Variants in CDK13 observed in about 807,000 individuals in gnomAD.
The protein encoded by CDK13 is cyclin-dependent kinase 13.
Under a neutral mutation model 137.6 loss-of-function variants are expected in CDK13, and 40 were observed. That is an observed-to-expected ratio of 0.29 (90% confidence interval 0.23 to 0.38). CDK13 has a LOEUF of 0.38. Among genes scored for constraint, CDK13 ranks in the 10% least tolerant of loss-of-function variants. CDK13 has a pLI of 1.00. For synonymous variants in CDK13, 869 were observed against 760.1 expected (o/e 1.14, Z -2.36); for missense variants, 1,704 against 1,951.8 (o/e 0.87, Z 2.39).
chr7:40,034,036 C>T (rs1785433292), intron 5 of CDK13, among the ~76,000 whole-genome samples: 1 of 152,142 alleles, frequency 6.6e-6, no homozygotes, highest in Non-Finnish European at 1.5e-5. Context: ...GGACAGAATG[C>T]TCTGGGCATA....
At chr7:40,044,952 A>G (rs1031253306) in intron 5 of CDK13, among the ~76,000 whole-genome samples, 1 of 152,122 alleles carries the variant, frequency 6.6e-6, no homozygotes, top group Non-Finnish European at 1.5e-5. Flanking sequence ...AATCTCATAC[A>G]TAATATCTAG....
At chr7:40,087,586 T>G (rs1029931790) in intron 11 of CDK13, among the ~76,000 whole-genome samples, 2 of 142,162 alleles carry the variant, frequency 1.4e-5, no homozygotes, top group African/African-American at 5.5e-5. Context: ...TCTCGCTGTG[T>G]CACCCAGGCT....
intron 1 of CDK13, among the ~76,000 whole-genome samples, chr7:39,974,913 CA>C: frequency 6.6e-6 from 1 of 152,274 alleles, no homozygotes; most frequent in African/African-American, 2.4e-5. Flanking sequence ...GCTAGAACCT[CA>C]AATACAATGT....
At chr7:40,033,670 T>G (rs1412994511) in intron 5 of CDK13, among the ~76,000 whole-genome samples, 1 of 152,174 alleles carries the variant, frequency 6.6e-6, no homozygotes, top group African/African-American at 2.4e-5. Flanking sequence ...TTAAATAAGG[T>G]CTGAGGTGTG....
intron 1 of CDK13, among the ~76,000 whole-genome samples, chr7:39,971,363 A>G (rs1783994707): frequency 6.6e-6 from 1 of 152,004 alleles, no homozygotes; most frequent in African/African-American, 2.4e-5. Context: ...CTAAGGGTAC[A>G]AAAACTAGCT....
rs773380080 is a variant in CDK13, at chr7:40,088,288, A to G, written c.3192A>G (p.Pro1064=). Reference sequence around the variant, plus strand: ...CCAACACACCCCAGGGTGTGCTGCCATCTTCACAGCTGAAATCTCAGGGCA... The same window carrying G: ...CCAACACACCCCAGGGTGTGCTGCCGTCTTCACAGCTGAAATCTCAGGGCA... The part of the protein sequence containing the change: ...SRTNTPQGVL[P]SSQLKSQGSS... Residue 1064 remains proline (P), a synonymous_variant, in exon 12 of 14, where the codon CCA becomes CCG. Coordinates refer to ENST00000181839, the MANE Select transcript of CDK13 (RefSeq NM_003718.5). The G allele has an allele frequency of 1.2e-6, 2 of 1,613,780 alleles. No homozygotes were observed. Among genetic ancestry groups the G allele is most frequent in the South Asian group, 1.1e-5 (1 of 91,078 alleles).
intron 11 of CDK13, 138 bp from the exon 12 acceptor site, chr7:40,087,988 G>A (rs1786828898): frequency 1.6e-6 from 1 of 637,170 alleles, no homozygotes; most frequent in East Asian, 2.8e-5. Context: ...GATTTTTATT[G>A]GAAGAGTTTT....
chr7:39,951,942 GAC>G, intron 1 of CDK13, 90 bp downstream of exon 1: 1 of 1,257,150 alleles, frequency 8.0e-7, no homozygotes, highest in Non-Finnish European at 1.0e-6. Flanking sequence ...TCCTCAGAAC[GAC>G]TCAGGTCCAC....
Position 40,095,034 on chromosome 7 carries a change from G to C in CDK13, c.*54G>C. 1 of 1,318,434 alleles carries C rather than the reference G, an allele frequency of 7.6e-7. No homozygotes were observed. Among genetic ancestry groups the C allele is most frequent in the Non-Finnish European group, 9.8e-7 (1 of 1,019,076 alleles). The allele number at this position is 1,318,434 out of a possible 1,614,324, so 81.7% of individuals were successfully genotyped here. ...TTTATCTGGAAAGACTTTTCTAGCT[G>C]CAATTTAAGGCAGCAATCCAAGAGA... On this transcript the variant is annotated 3_prime_UTR_variant, in exon 14 of 14. Transcript: ENST00000181839.
At chr7:39,963,920 G>T (rs1228195296) in intron 1 of CDK13, among the ~76,000 whole-genome samples, 1 of 152,110 alleles carries the variant, frequency 6.6e-6, no homozygotes, top group Non-Finnish European at 1.5e-5. Flanking sequence ...GCTGGATTAC[G>T]TTTATTGATT....
In CDK13 at chr7:40,098,634, A is replaced by T. The variant is rs1208966350; in HGVS notation, c.*3654A>T. On this transcript the variant is annotated 3_prime_UTR_variant, in exon 14 of 14. Transcript: ENST00000181839. The stretch of plus-strand genomic sequence containing the variant: ...TCGGTCTTCTTACTTTACAACTAAG[A>T]AAAATAAGGCTTAGAAAGAGGGATT... 2 of 151,928 alleles carry T rather than the reference A, an allele frequency of 1.3e-5. No individual in the cohort carries two copies. Among genetic ancestry groups the T allele is most frequent in the Non-Finnish European group, 2.9e-5 (2 of 67,944 alleles). 9.4% of individuals were successfully genotyped at this position (151,928 alleles called of 1,614,324 possible). A position where few individuals can be genotyped will look rare whatever the true frequency, so the allele number is the denominator to read the frequency against.
intron 1 of CDK13, among the ~76,000 whole-genome samples, chr7:39,964,582 C>T (rs941649493): frequency 4.9e-5 from 7 of 144,288 alleles, no homozygotes; most frequent in African/African-American, 1.7e-4. Flanking sequence ...CTCCTGGATT[C>T]ATTGATTTTT....
At chr7:40,025,504 A>C (rs1017463124) in intron 5 of CDK13, among the ~76,000 whole-genome samples, 3 of 152,124 alleles carry the variant, frequency 2.0e-5, no homozygotes, top group African/African-American at 7.2e-5. Context: ...TCTACTTTCA[A>C]CCTTTGCCAA....
intron 11 of CDK13, among the ~76,000 whole-genome samples, chr7:40,081,252 A>G (rs972816766): frequency 6.6e-6 from 1 of 152,174 alleles, no homozygotes; most frequent in Non-Finnish European, 1.5e-5. Context: ...ATTATGTTCA[A>G]GAGAACATAA....
At chr7:40,004,736 T>C (rs529534852) in intron 5 of CDK13, among the ~76,000 whole-genome samples, 52 of 152,266 alleles carry the variant, frequency 3.4e-4, no homozygotes, top group African/African-American at 1.2e-3. Flanking sequence ...TTAGAACATA[T>C]AAACATTAAA....
At chr7:39,951,973 C>A in intron 1 of CDK13, 121 bp downstream of exon 1, 1 of 1,066,942 alleles carries the variant, frequency 9.4e-7, no homozygotes, top group Non-Finnish European at 1.2e-6. Flanking sequence ...CGAGACAACA[C>A]CGCCTGAGCC....
chr7:40,064,216 G>A (rs145342171), intron 9 of CDK13, among the ~76,000 whole-genome samples: 5,907 of 148,396 alleles, frequency 0.04, 341 homozygotes, highest in African/African-American at 0.13. Context: ...CCCAGGAGGC[G>A]AAGGTTGCTG....
chr7:40,012,299 C>T (rs1784912441), intron 5 of CDK13, among the ~76,000 whole-genome samples: 1 of 152,148 alleles, frequency 6.6e-6, no homozygotes, highest in Non-Finnish European at 1.5e-5. Context: ...ACTACTGGAT[C>T]TCCAAAAGAA....
chr7:40,036,999 T>C (rs974597559), intron 5 of CDK13, among the ~76,000 whole-genome samples: 5 of 152,218 alleles, frequency 3.3e-5, no homozygotes, highest in African/African-American at 1.2e-4. Context: ...TCTCATAATT[T>C]ATAGTAGCTC....
Sources: gnomAD v4.1 joint callset for allele counts (sites outside exome capture counted in the v4.1 genomes callset) on GRCh38, gnomAD v4.1.1 for gene constraint, MANE v1.5 for transcripts, NCBI Gene and HGNC (gene_info 2026-07-23, HGNC 2026-07-21) for gene names.